ST6GALNAC3: variants seen among roughly 807,000 people sequenced by gnomAD.
ST6GALNAC3 encodes ST6 N-acetylgalactosaminide alpha-2,6-sialyltransferase 3.
Under a neutral mutation model 32.7 loss-of-function variants are expected in ST6GALNAC3, and 25 were observed. That is an observed-to-expected ratio of 0.76 (90% CI 0.56 to 1.07). The LOEUF (loss-of-function observed/expected upper bound fraction) is 1.07. Among genes scored for constraint, ST6GALNAC3 ranks in the 50% least tolerant of loss-of-function variants. ST6GALNAC3 has a pLI of 0.00. For missense variants in ST6GALNAC3, 355 were observed against 382.4 expected (o/e 0.93, Z 0.60); for synonymous variants, 129 against 133.1 (o/e 0.97, Z 0.21).
intron 2 of ST6GALNAC3, among the ~76,000 whole-genome samples, chr1:76,341,642 T>TTTA (rs1373231228): frequency 7.8e-5 from 11 of 140,754 alleles, no homozygotes; most frequent in South Asian, 7.0e-4. Flanking sequence ...TCTTTCTTTC[T>TTTA]TTCTTTCTTT....
intron 1 of ST6GALNAC3, among the ~76,000 whole-genome samples, chr1:76,265,804 A>G (rs989941172): frequency 6.6e-6 from 1 of 152,226 alleles, no homozygotes; most frequent in Non-Finnish European, 1.5e-5. Context: ...CATAAATGTA[A>G]GTCTCTGTGT....
intron 1 of ST6GALNAC3, among the ~76,000 whole-genome samples, chr1:76,226,098 G>T (rs1170613048): frequency 7.9e-5 from 12 of 152,290 alleles, no homozygotes; most frequent in African/African-American, 2.9e-4. Context: ...ATAGATGAAT[G>T]ATTCCAGTGA....
intron 3 of ST6GALNAC3, among the ~76,000 whole-genome samples, chr1:76,610,673 T>C (rs542228382): frequency 2.5e-4 from 38 of 152,218 alleles, no homozygotes; most frequent in Admixed American, 5.2e-4. Flanking sequence ...ATGTTGGACA[T>C]TTACAGTCTG....
chr1:76,541,665 A>T (rs567043750), intron 3 of ST6GALNAC3, among the ~76,000 whole-genome samples: 1 of 152,248 alleles, frequency 6.6e-6, no homozygotes, highest in East Asian at 1.9e-4. Context: ...CTGTCTTCCT[A>T]CTGCACTAAT....
At chr1:76,088,429 C>T (rs1327111608) in intron 1 of ST6GALNAC3, among the ~76,000 whole-genome samples, 1 of 152,242 alleles carries the variant, frequency 6.6e-6, no homozygotes, top group East Asian at 1.9e-4. Flanking sequence ...TCCTTTGAGG[C>T]TTTTTAAAAA....
chr1:76,171,216 C>A (rs1333776296), intron 1 of ST6GALNAC3, among the ~76,000 whole-genome samples: 1 of 152,100 alleles, frequency 6.6e-6, no homozygotes, highest in African/African-American at 2.4e-5. Context: ...CTACCTCCCA[C>A]ACCCTCTTGG....
chr1:76,191,853 A>G (rs1022139221), intron 1 of ST6GALNAC3, among the ~76,000 whole-genome samples: 1 of 151,844 alleles, frequency 6.6e-6, no homozygotes, highest in Non-Finnish European at 1.5e-5. Context: ...TATTGAGGAA[A>G]CTGGAAAATT....
At chr1:76,484,453 G>T (rs1314358632) in intron 3 of ST6GALNAC3, among the ~76,000 whole-genome samples, 2 of 152,120 alleles carry the variant, frequency 1.3e-5, no homozygotes, top group Non-Finnish European at 2.9e-5. Flanking sequence ...TTGTAAGTTG[G>T]ATTTCTAGGT....
intron 3 of ST6GALNAC3, among the ~76,000 whole-genome samples, chr1:76,567,184 G>A (rs1665604711): frequency 1.3e-5 from 2 of 152,142 alleles, no homozygotes; most frequent in South Asian, 4.1e-4. Flanking sequence ...AATTCAATAT[G>A]ATTTTAAAGC....
At chr1:76,360,775 G>A (rs1270753316) in intron 2 of ST6GALNAC3, among the ~76,000 whole-genome samples, 1 of 152,172 alleles carries the variant, frequency 6.6e-6, no homozygotes, top group Non-Finnish European at 1.5e-5. Context: ...TTGTCTGGAG[G>A]TATATCTTAG....
intron 1 of ST6GALNAC3, among the ~76,000 whole-genome samples, chr1:76,125,036 T>A (rs754461863): frequency 3.9e-5 from 6 of 152,210 alleles, no homozygotes; most frequent in African/African-American, 1.2e-4. Flanking sequence ...GTTAAGAAAA[T>A]ATATCAAATT....
chr1:76,275,654 C>T (rs1318052066), intron 1 of ST6GALNAC3, among the ~76,000 whole-genome samples: 1 of 152,118 alleles, frequency 6.6e-6, no homozygotes, highest in Non-Finnish European at 1.5e-5. Context: ...ATTCTCTCTC[C>T]CTGTACTCCA....
At chr1:76,562,985 A>G (rs1481255035) in intron 3 of ST6GALNAC3, among the ~76,000 whole-genome samples, 1 of 152,174 alleles carries the variant, frequency 6.6e-6, no homozygotes, top group African/African-American at 2.4e-5. Context: ...TGGGGCTTTT[A>G]CTGATGGCAT....
chr1:76,191,911 A>G (rs1395813579), intron 1 of ST6GALNAC3, among the ~76,000 whole-genome samples: 1 of 152,110 alleles, frequency 6.6e-6, no homozygotes, highest in Non-Finnish European at 1.5e-5. Context: ...ATGGAGGTGG[A>G]GTCACTTTTT....
At chr1:76,413,196 G>T (rs1654387598) in intron 3 of ST6GALNAC3, among the ~76,000 whole-genome samples, 1 of 151,796 alleles carries the variant, frequency 6.6e-6, no homozygotes, top group Non-Finnish European at 1.5e-5. Flanking sequence ...TAACTGAATT[G>T]TGTGCCATGT....
At chr1:76,217,932 G>A (rs1012923015) in intron 1 of ST6GALNAC3, among the ~76,000 whole-genome samples, 6 of 152,032 alleles carry the variant, frequency 3.9e-5, no homozygotes, top group Admixed American at 2.0e-4. Flanking sequence ...GGACATTTGG[G>A]TTGGTTTTAT....
intron 1 of ST6GALNAC3, among the ~76,000 whole-genome samples, chr1:76,192,560 T>C (rs1653960166): frequency 6.6e-6 from 1 of 152,168 alleles, no homozygotes; most frequent in East Asian, 1.9e-4. Context: ...ACAGGAAGGC[T>C]CAGCTGCTTT....
chr1:76,292,535 T>A (rs1660158364), intron 1 of ST6GALNAC3, among the ~76,000 whole-genome samples: 1 of 152,146 alleles, frequency 6.6e-6, no homozygotes, highest in Non-Finnish European at 1.5e-5. Context: ...TACCAGTAAG[T>A]AAGATTGGCT....
intron 3 of ST6GALNAC3, among the ~76,000 whole-genome samples, chr1:76,474,952 C>T (rs567604949): frequency 6.6e-6 from 1 of 152,222 alleles, no homozygotes; most frequent in East Asian, 1.9e-4. Flanking sequence ...TTAAATAGCA[C>T]CAAATGAAAA....
Sources: gnomAD v4.1 joint callset for allele counts (sites outside exome capture counted in the v4.1 genomes callset) on GRCh38, gnomAD v4.1.1 for gene constraint, MANE v1.5 for transcripts, NCBI Gene and HGNC (gene_info 2026-07-23, HGNC 2026-07-21) for gene names.